The following BRSK1 variants were observed in gnomAD, a reference collection of about 807,000 sequenced individuals.
The protein encoded by BRSK1 is serine/threonine-protein kinase BRSK1.
BRSK1 carries 17 observed loss-of-function variants against 86.2 expected under a neutral mutation model. The observed-to-expected ratio is 0.20, with a 90% CI of 0.14 to 0.30. BRSK1 has a LOEUF of 0.30. Ranked by LOEUF, BRSK1 falls within the 10% of genes least tolerant of loss-of-function variation. BRSK1 has a pLI of 1.00. For missense variants in BRSK1, 719 were observed against 1,071.9 expected (o/e 0.67, Z 4.60); for synonymous variants, 464 against 440.1 (o/e 1.05, Z -0.68).
At position 55,284,242 on chromosome 19, in the gene BRSK1, C is replaced by A. The variant is rs1458306846; in HGVS notation, c.-201C>A. 4 of 488,676 alleles carry A rather than the reference C, an allele frequency of 8.2e-6. No individual in the cohort carries two copies. Among genetic ancestry groups the A allele is most frequent in the South Asian group, 1.0e-4 (1 of 9,632 alleles). The allele number at this position is 488,676 out of a possible 1,614,324, so 30.3% of individuals were successfully genotyped here. A position where few individuals can be genotyped will look rare whatever the true frequency, so the allele number is the denominator to read the frequency against. On this transcript the variant is annotated 5_prime_UTR_variant, in exon 1 of 19. Coordinates refer to ENST00000309383, the MANE Select transcript of BRSK1 (RefSeq NM_032430.2). ...GCCATGCTGACTCCCGGGGCCTGACCCCCCCGGGCCAGCCCCCCCTCCCCC... is the reference window on the plus strand; with the variant it reads ...GCCATGCTGACTCCCGGGGCCTGACACCCCCGGGCCAGCCCCCCCTCCCCC...
At chr19:55,307,747 TAC>T (rs68176323) in intron 17 of BRSK1, among the ~76,000 whole-genome samples, 24,169 of 87,884 alleles carry the variant, frequency 0.28, 3,738 homozygotes, top group East Asian at 0.64. Context: ...AAAAAATTTA[TAC>T]ACACACACAC....
chr19:55,293,225 G>T (rs1234385102), intron 4 of BRSK1, among the ~76,000 whole-genome samples: 1 of 152,082 alleles, frequency 6.6e-6, no homozygotes, highest in Non-Finnish European at 1.5e-5. Flanking sequence ...GCCTGGCGCG[G>T]TGGCTCATGC....
At position 55,312,533 on chromosome 19, in the gene BRSK1, CAAAA is replaced by C. The variant is rs372052269; in HGVS notation, c.*491_*494del. On this transcript the variant is annotated 3_prime_UTR_variant, in exon 19 of 19. Transcript: ENST00000309383. ...TCCGTGTCTCTGATTCCGCCGGCGG[CAAAA>C]AAAAAAAAAAAAAAAAAAAAAAAAA... 8.5e-4 allele frequency: 22 copies of C among 25,742 alleles called. No individual in the cohort carries two copies. The highest frequency in any genetic ancestry group is 3.4e-3 in the African/African-American group (19 of 5,646). The allele number at this position is 25,742 out of a possible 1,614,324, so 1.6% of individuals were successfully genotyped here.
intron 7 of BRSK1, among the ~76,000 whole-genome samples, chr19:55,295,111 A>ATTTTAT (rs995585037): frequency 1.1e-4 from 16 of 149,540 alleles, no homozygotes; most frequent in African/African-American, 2.7e-4. Context: ...AGCTGAATTT[A>ATTTTAT]TTTTATTTTT....
At position 55,285,702 on chromosome 19, in the gene BRSK1, C is replaced by T. The variant is rs116110484; in HGVS notation, c.136+1124C>T. Among the ~76,000 whole-genome samples the T allele has an allele frequency of 6.4e-3, 982 of 152,256 alleles. 6 individuals are homozygous for T. Among genetic ancestry groups the T allele is most frequent in the African/African-American group, 0.022 (931 of 41,532 alleles). ...TCTGCTGTTGCTGAACGCTGGCCAC[C>T]GGCCGCGGCCTCCTTCCTGCCGGAT... is the stretch of plus-strand genomic sequence containing the variant. On this transcript the variant is annotated intron_variant, in intron 1 of 18. Coordinates refer to ENST00000309383, the MANE Select transcript of BRSK1 (RefSeq NM_032430.2).
At chr19:55,311,767 C>T (rs898171685) in intron 18 of BRSK1, 144 bp from the exon 19 acceptor site, 23 of 829,994 alleles carry the variant, frequency 2.8e-5, no homozygotes, top group Non-Finnish European at 3.1e-5. Context: ...AGGTGCTGGA[C>T]GGACTGGGCC....
intron 17 of BRSK1, 111 bp from the exon 18 acceptor site, chr19:55,308,528 A>T (rs928921710): frequency 2.7e-6 from 2 of 748,020 alleles, no homozygotes; most frequent in East Asian, 5.9e-5. Flanking sequence ...GGAGACGGAG[A>T]TGCAGGGGGG....
intron 4 of BRSK1, among the ~76,000 whole-genome samples, chr19:55,290,995 A>G (rs1011897164): frequency 1.3e-5 from 1 of 76,114 alleles, no homozygotes; most frequent in African/African-American, 6.2e-5. Flanking sequence ...ACTCAAGGTC[A>G]CTAAGGTCTT....
intron 17 of BRSK1, among the ~76,000 whole-genome samples, chr19:55,307,463 C>T (rs564333263): frequency 4.1e-5 from 6 of 147,672 alleles, no homozygotes; most frequent in Admixed American, 2.1e-4. Context: ...GCAGGAGAAT[C>T]GCTTGAACTC....
chr19:55,305,686 G>C, intron 16 of BRSK1, 100 bp downstream of exon 16: 6 of 1,530,704 alleles, frequency 3.9e-6, no homozygotes, highest in Non-Finnish European at 5.3e-6. Flanking sequence ...GCTTCCTCCT[G>C]GGGCTCATGG....
At chr19:55,300,891 C>T (rs535688497) in intron 7 of BRSK1, among the ~76,000 whole-genome samples, 1 of 152,222 alleles carries the variant, frequency 6.6e-6, no homozygotes, top group East Asian at 1.9e-4. Flanking sequence ...GGCCCTGCTT[C>T]CTCTGGAGGC....
Position 55,284,468 on chromosome 19 carries a change from G to A in BRSK1, c.26G>A (p.Gly9Asp), listed in dbSNP as rs2088278243. The change falls in exon 1 of 19, where the codon GGT becomes GAT. Residue 9 changes from glycine (G) to aspartate (D), a missense_variant. By Grantham distance (94) the Gly-to-Asp change is moderately conservative. This residue lies in a region of BRSK1 where 71 missense variants were observed against 92.6 expected (regional missense o/e 0.77). Coordinates refer to ENST00000309383, the MANE Select transcript of BRSK1 (RefSeq NM_032430.2). The stretch of plus-strand genomic sequence containing the variant: ...ATGTCGTCCGGGGCCAAGGAGGGAG[G>A]TGGGGGCTCTCCCGCCTACCACCTC... MSSGAKEG[G>D]GGSPAYHLPH... 6 of 1,322,716 alleles carry A rather than the reference G, an allele frequency of 4.5e-6. No homozygotes were observed. The highest frequency in any genetic ancestry group is 4.9e-6 in the Non-Finnish European group (5 of 1,014,080). The allele number at this position is 1,322,716 out of a possible 1,614,324, so 81.9% of individuals were successfully genotyped here.
In BRSK1 at chr19:55,287,379, C is replaced by CCTGT; in HGVS notation, c.317+80_317+81insCTGT. On this transcript the variant is annotated intron_variant, in intron 3 of 18. Coordinates refer to ENST00000309383, the MANE Select transcript of BRSK1 (RefSeq NM_032430.2). The surrounding 1 kb of genome is among the most constrained non-coding windows in gnomAD (Gnocchi z 5.3). Reference sequence around the variant, plus strand: ...GGTGGGACTTCTCCAGAAACAGGGCCTAGGGGGACCTGGGGGACCTGCAGC... The same window carrying CCTGT: ...GGTGGGACTTCTCCAGAAACAGGGCCCTGTTAGGGGGACCTGGGGGACCTGCAGC... The CCTGT allele has an allele frequency of 7.3e-7, 1 of 1,367,148 alleles. No homozygotes were observed. The highest frequency in any genetic ancestry group is 1.0e-6 in the Non-Finnish European group (1 of 963,388). 84.7% of individuals were successfully genotyped at this position (1,367,148 alleles called of 1,614,324 possible).
intron 7 of BRSK1, among the ~76,000 whole-genome samples, chr19:55,295,977 T>C (rs980364176): frequency 2.0e-4 from 30 of 151,978 alleles, no homozygotes; most frequent in Non-Finnish European, 4.4e-5. Context: ...TAAAAATATA[T>C]ATATATAGCC....
intron 7 of BRSK1, among the ~76,000 whole-genome samples, chr19:55,298,209 C>CTTTTTTT (rs71181751): frequency 2.9e-5 from 2 of 69,624 alleles, no homozygotes; most frequent in East Asian, 4.7e-4. Context: ...TTTGTTTCTT[C>CTTTTTTT]TTTTTTTTTT....
Position 55,305,312 on chromosome 19 carries a change from C to T in BRSK1, c.1718-9C>T, listed in dbSNP as rs552351309. 1 of 1,613,992 alleles carries T rather than the reference C, an allele frequency of 6.2e-7. No individual in the cohort carries two copies. The stretch of plus-strand genomic sequence containing the variant: ...GTGTTGACCACGTTCTCTGCCTTCC[C>T]CCTACCAGTCCCTACCGCTGAGGAG... On this transcript the variant is annotated splice_polypyrimidine_tract_variant and intron_variant, in intron 14 of 18. Transcript: ENST00000309383.
intron 7 of BRSK1, among the ~76,000 whole-genome samples, chr19:55,295,535 T>G (rs1381457951): frequency 1.3e-5 from 2 of 152,150 alleles, no homozygotes; most frequent in Non-Finnish European, 2.9e-5. Flanking sequence ...CACAGAACTG[T>G]GGGTTAAAAA....
At chr19:55,292,336 T>A (rs1217037407) in intron 4 of BRSK1, among the ~76,000 whole-genome samples, 3 of 152,324 alleles carry the variant, frequency 2.0e-5, no homozygotes, top group South Asian at 2.1e-4. Context: ...TAGCTCACTT[T>A]GTACATATTC....
In BRSK1 at chr19:55,284,159, G is replaced by A; in HGVS notation, c.-284G>A. 1 of 1,086,204 alleles carries A rather than the reference G, an allele frequency of 9.2e-7. No individual in the cohort carries two copies. Among genetic ancestry groups the A allele is most frequent in the Non-Finnish European group, 1.2e-6 (1 of 856,304 alleles). 67.3% of individuals were successfully genotyped at this position (1,086,204 alleles called of 1,614,324 possible). On this transcript the variant is annotated 5_prime_UTR_variant, in exon 1 of 19. Transcript: ENST00000309383. Reference sequence around the variant, plus strand: ...GACCCCCCCGGCGGGGGGAGGCGCAGGAAGCGGGGGGCCGGCCAGAAACGG... The same window carrying A: ...GACCCCCCCGGCGGGGGGAGGCGCAAGAAGCGGGGGGCCGGCCAGAAACGG...
Sources: allele counts gnomAD v4.1 joint callset (sites outside exome capture counted in the v4.1 genomes callset), GRCh38; gene constraint gnomAD v4.1.1; regional missense constraint gnomAD v4.1.1; non-coding constraint Gnocchi (gnomAD v3.1); transcripts MANE v1.5; gene names NCBI Gene and HGNC (gene_info 2026-07-23, HGNC 2026-07-21).